The following ASPM variants were observed in gnomAD, a reference collection of about 807,000 sequenced individuals.
ASPM encodes abnormal spindle-like microcephaly-associated protein.
In ASPM, 256 loss-of-function variants were observed where a neutral mutation model predicts 366.4. The ratio of observed to expected loss-of-function variants is 0.70; its 90% CI spans 0.63 to 0.77. The LOEUF is 0.77. Among genes scored for constraint, ASPM ranks in the 30% least tolerant of loss-of-function variants. ASPM has a pLI of 0.00. For missense variants in ASPM, 4,146 were observed against 4,090.4 expected, an observed-to-expected ratio of 1.01 and a Z score of -0.37; for synonymous variants, 1,414 against 1,342.9, an observed-to-expected ratio of 1.05 and a Z score of -1.16.
intron 16 of ASPM, among the ~76,000 whole-genome samples, chr1:197,120,640 T>C (rs893821866): frequency 6.6e-6 from 1 of 152,154 alleles, no homozygotes. Flanking sequence ...TAATGCAATA[T>C]ACAATGGGTG....
rs1657316636 is a variant in ASPM at position 197,104,131 on chromosome 1, A to C, written c.5120T>G (p.Phe1707Cys). The change falls in exon 18 of 28, where the codon TTT becomes TGT. Residue 1707 changes from phenylalanine (F) to cysteine (C), a missense_variant. Phe to Cys is a radical substitution (Grantham distance 205). This residue lies in a region of ASPM where 3,624 missense variants were observed against 3,591.7 expected (regional missense o/e 1.01). Coordinates refer to ENST00000367409, the MANE Select transcript of ASPM (RefSeq NM_018136.5). Reference protein sequence around the residue: ...QYLHLRAAALFIQQCYRSKKI... With the variant: ...QYLHLRAAALCIQQCYRSKKI... ...TTTGGAACGGTAACATTGCTGGATA[A>C]ATAGTGCAGCTGCTCTTAAATGCAA... The C allele has an allele frequency of 6.2e-7, 1 of 1,612,842 alleles. No individual in the cohort carries two copies. The highest frequency in any genetic ancestry group is 1.1e-5 in the South Asian group (1 of 91,058).
In ASPM at chr1:197,133,489, A is replaced by G; in HGVS notation, c.2280T>C (p.Cys760=). Reference sequence around the variant, plus strand: ...CTGCACGACGTAGTCTGTTTAACCTACACCGAGCAGTATAAGCTCTGAGAG... The same window carrying G: ...CTGCACGACGTAGTCTGTTTAACCTGCACCGAGCAGTATAAGCTCTGAGAG... ...EMSLRAYTAR[C]RLNRLRRAAC... is the part of the protein sequence containing the mutation. Residue 760 remains cysteine, a synonymous_variant, in exon 6 of 28, where the codon TGT becomes TGC. Transcript: ENST00000367409. The G allele has an allele frequency of 6.2e-7, 1 of 1,614,124 alleles. No homozygotes were observed.
chr1:197,096,608 A>AATC (rs939846281), intron 18 of ASPM, among the ~76,000 whole-genome samples: 2 of 151,782 alleles, frequency 1.3e-5, no homozygotes, highest in Admixed American at 1.3e-4. Flanking sequence ...CCTGCAGGAG[A>AATC]ATCCTGAGAG....
At chr1:197,139,210 C>T (rs1357313811) in intron 4 of ASPM, 2 of 937,652 alleles carry the variant, frequency 2.1e-6, no homozygotes, top group East Asian at 2.4e-5. Context: ...TCATTTTCCA[C>T]TTGGAAAACT....
rs554124451 is a variant in ASPM at position 197,102,863 on chromosome 1, G to A, written c.6388C>T (p.His2130Tyr). ...ATFIKAMFKM[H>Y]QSRISYHTMR... ...GTATGGTAACTTATTCTTGACTGATGCATTTTAAACATGGCTTTAATAAAA... is the reference window on the plus strand; with the variant it reads ...GTATGGTAACTTATTCTTGACTGATACATTTTAAACATGGCTTTAATAAAA... Residue 2130 changes from histidine to tyrosine, a missense_variant, in exon 18 of 28, where the codon CAT becomes TAT. Physicochemically the swap from His to Tyr is moderately conservative, Grantham distance 83. Coordinates refer to ENST00000367409, the MANE Select transcript of ASPM (RefSeq NM_018136.5). 1.8e-4 allele frequency: 284 copies of A among 1,612,490 alleles called. 1 individual carries two copies. The South Asian group carries it at 2.9e-3, about 17-fold the overall frequency.
In ASPM at chr1:197,089,299, C is replaced by T. The variant is rs943929557; in HGVS notation, c.9984+631G>A. Among the ~76,000 whole-genome samples, 5 of 152,076 alleles carry T rather than the reference C, an allele frequency of 3.3e-5. No individual in the cohort carries two copies. In the East Asian group the frequency reaches 7.7e-4, roughly 24 times the overall value. On this transcript the variant is annotated intron_variant, in intron 25 of 27. Coordinates refer to ENST00000367409, the MANE Select transcript of ASPM (RefSeq NM_018136.5). ...TGAGTAGGAAAGAGAAATCTTTCAA[C>T]CTTTGGTTGCATACAATATAGTTTG...
rs142743598 is a variant in ASPM at position 197,129,306 on chromosome 1, C to G, written c.2641G>C (p.Ala881Pro). The G allele has an allele frequency of 1.2e-6, 2 of 1,612,920 alleles. No homozygotes were observed. The highest frequency in any genetic ancestry group is 1.7e-5 in the Admixed American group (1 of 60,004). ...PHLYRDGHEE[A>P]LSKFTLKKLL... ...TTTTTCAATGTAAACTTGGACAAAG[C>G]TTCTTCATGACCTTAAATAAAGTAC... The change falls in exon 9 of 28, where the codon GCT becomes CCT. Residue 881 changes from alanine (A) to proline (P), a missense_variant. Coordinates refer to ENST00000367409, the MANE Select transcript of ASPM (RefSeq NM_018136.5).
Position 197,105,124 on chromosome 1 carries a change from A to T in ASPM, c.4127T>A (p.Ile1376Asn). Residue 1376 changes from isoleucine to asparagine, a missense_variant, in exon 18 of 28, where the codon ATC becomes AAC. Coordinates refer to ENST00000367409, the MANE Select transcript of ASPM (RefSeq NM_018136.5). ...TATCATTCTTATCCTAGATTGCAGG[A>T]TGATTGAATAATATTTCAATTTCAG... ...RFLKLKYYSI[I>N]LQSRIRMIIA... 1 of 1,608,958 alleles carries T rather than the reference A, an allele frequency of 6.2e-7. No homozygotes were observed. The highest frequency in any genetic ancestry group is 8.5e-7 in the Non-Finnish European group (1 of 1,176,176).
intron 17 of ASPM, among the ~76,000 whole-genome samples, chr1:197,114,578 CATT>C (rs1420408541): frequency 6.6e-6 from 1 of 152,032 alleles, no homozygotes; most frequent in Non-Finnish European, 1.5e-5. Context: ...ACAAAAAGTA[CATT>C]TTTTTTTAAA....
Position 197,100,549 on chromosome 1 carries a change from T to C in ASPM, c.8702A>G (p.His2901Arg), listed in dbSNP as rs748374562. 6.2e-7 allele frequency: 1 copy of C among 1,611,770 alleles called. No homozygotes were observed. The highest frequency in any genetic ancestry group is 8.5e-7 in the Non-Finnish European group (1 of 1,178,660). Residue 2901 changes from histidine to arginine, a missense_variant, in exon 18 of 28, where the codon CAT becomes CGT. His to Arg is a conservative substitution (Grantham distance 29). Coordinates refer to ENST00000367409, the MANE Select transcript of ASPM (RefSeq NM_018136.5). ...GATCTGTAAATAGACTTGTCTTTGA[T>C]GTTTTGCAGACAGAAATGCTCTGTA... ...NHYRAFLSAK[H>R]QRQVYLQIRS...
At chr1:197,085,680 G>A (rs1391493776) in intron 27 of ASPM, among the ~76,000 whole-genome samples, 1 of 152,140 alleles carries the variant, frequency 6.6e-6, no homozygotes, top group African/African-American at 2.4e-5. Flanking sequence ...TTCCATATAT[G>A]TGACAGTATA....
In ASPM at chr1:197,104,378, C is replaced by A. The variant is rs1229050392; in HGVS notation, c.4873G>T (p.Val1625Phe). The change falls in exon 18 of 28, where the codon GTT becomes TTT. Residue 1625 changes from valine to phenylalanine, a missense_variant. Val to Phe is a conservative substitution (Grantham distance 50). This residue lies in a region of ASPM where 3,624 missense variants were observed against 3,591.7 expected (regional missense o/e 1.01). Coordinates refer to ENST00000367409, the MANE Select transcript of ASPM (RefSeq NM_018136.5). Reference sequence around the variant, plus strand: ...CGTGTTTTCTGGTAAGATGCTAGAACTTTCATGGCAAAAATATAAGCTCGG... The same window carrying A: ...CGTGTTTTCTGGTAAGATGCTAGAAATTTCATGGCAAAAATATAAGCTCGG... ...HFRAYIFAMK[V>F]LASYQKTRSA... is the part of the protein sequence containing the mutation. 1 of 1,612,946 alleles carries A rather than the reference C, an allele frequency of 6.2e-7. No individual in the cohort carries two copies. Among genetic ancestry groups the A allele is most frequent in the African/African-American group, 1.3e-5 (1 of 74,818 alleles).
rs375868169 is a variant in ASPM at position 197,122,295 on chromosome 1, G to T, written c.3605C>A (p.Thr1202Asn). The T allele has an allele frequency of 2.4e-5, 39 of 1,613,682 alleles. No homozygotes were observed. The African/African-American group carries it at 4.8e-4, about 20-fold the overall frequency. ...TAGGAGCTCTTTGTATAGCTCTGAA[G>T]TATTTTCTATTATGCAGGAGGAAAG... ...MSLKAFDHEN[T>N]SELYKELLEN... is the part of the protein sequence containing the mutation. The change falls in exon 15 of 28, where the codon ACT (threonine) becomes AAT (asparagine). Residue 1202 changes from threonine to asparagine, a missense_variant. This residue lies in a region of ASPM where 3,624 missense variants were observed against 3,591.7 expected (regional missense o/e 1.01). Coordinates refer to ENST00000367409, the MANE Select transcript of ASPM (RefSeq NM_018136.5).
chr1:197,087,365 C>G (rs1213730900), intron 26 of ASPM, among the ~76,000 whole-genome samples: 1 of 152,086 alleles, frequency 6.6e-6, no homozygotes, highest in Non-Finnish European at 1.5e-5. Context: ...CGTGAGCCAC[C>G]GTGCCCAGCC....
chr1:197,119,871 G>T (rs183198598), intron 16 of ASPM, among the ~76,000 whole-genome samples: 81 of 152,214 alleles, frequency 5.3e-4, no homozygotes, highest in Middle Eastern at 3.4e-3. Flanking sequence ...TCCATTAATA[G>T]ATTTATATGA....
chr1:197,119,969 G>C (rs996897247), intron 16 of ASPM, among the ~76,000 whole-genome samples: 5 of 152,080 alleles, frequency 3.3e-5, no homozygotes, highest in African/African-American at 9.7e-5. Context: ...TAGGGAGCCT[G>C]CTGCTTAATG....
intron 17 of ASPM, among the ~76,000 whole-genome samples, chr1:197,116,797 C>A (rs1477898233): frequency 6.6e-6 from 1 of 152,046 alleles, no homozygotes; most frequent in East Asian, 1.9e-4. Flanking sequence ...GTAATAATAT[C>A]AAATCAAAGA....
At chr1:197,116,725 C>A (rs1273954229) in intron 17 of ASPM, among the ~76,000 whole-genome samples, 3 of 151,990 alleles carry the variant, frequency 2.0e-5, no homozygotes, top group African/African-American at 7.2e-5. Flanking sequence ...AAGTATAGTG[C>A]AGAATACGAA....
intron 26 of ASPM, 91 bp from the exon 27 acceptor site, chr1:197,087,063 T>G: frequency 8.2e-7 from 1 of 1,223,218 alleles, no homozygotes; most frequent in African/African-American, 1.5e-5. Flanking sequence ...ATAAAAACTA[T>G]GCAGTAAACC....
Sources: gnomAD v4.1 joint callset for allele counts (sites outside exome capture counted in the v4.1 genomes callset) on GRCh38, gnomAD v4.1.1 for gene constraint, gnomAD v4.1.1 regional missense constraint, MANE v1.5 for transcripts, NCBI Gene and HGNC (gene_info 2026-07-23, HGNC 2026-07-21) for gene names.